Variants in LONP2 observed in about 807,000 individuals in gnomAD.
LONP2 encodes the protein lon peptidase 2, peroxisomal.
In LONP2, 60 loss-of-function variants were observed where a neutral mutation model predicts 85.6. The ratio of observed to expected loss-of-function variants is 0.70; its 90% CI spans 0.57 to 0.87. The LOEUF is 0.87. Ranked by LOEUF, LONP2 falls within the 40% of genes least tolerant of loss-of-function variation. The pLI is 0.00. For synonymous variants in LONP2, 395 were observed against 389.7 expected (o/e 1.01, Z -0.16); for missense variants, 860 against 1,063.5 (o/e 0.81, Z 2.66).
At chr16:48,273,337 A>T (rs1010789575) in intron 7 of LONP2, among the ~76,000 whole-genome samples, 3 of 152,174 alleles carry the variant, frequency 2.0e-5, no homozygotes, top group African/African-American at 7.2e-5. Context: ...ACAAGCAAAG[A>T]TATGTTTTTT....
At chr16:48,253,426 C>T (rs1327056456) in intron 2 of LONP2, among the ~76,000 whole-genome samples, 2 of 151,046 alleles carry the variant, frequency 1.3e-5, no homozygotes, top group East Asian at 1.9e-4. Flanking sequence ...GCCAAGATTG[C>T]ATCACTGCAT....
At chr16:48,347,064 G>C (rs1959988651) in intron 12 of LONP2, among the ~76,000 whole-genome samples, 1 of 152,176 alleles carries the variant, frequency 6.6e-6, no homozygotes, top group Admixed American at 6.5e-5. Context: ...AGAGGCAGGA[G>C]AATCACTTGA....
chr16:48,252,013 T>G (rs1971663142), intron 1 of LONP2, 118 bp from the exon 2 acceptor site: 2 of 722,186 alleles, frequency 2.8e-6, no homozygotes, highest in Non-Finnish European at 2.1e-6. Context: ...AAAAATTTAT[T>G]TACACTTCAG....
chr16:48,309,220 T>C (rs913946749), intron 11 of LONP2, among the ~76,000 whole-genome samples: 5 of 152,300 alleles, frequency 3.3e-5, no homozygotes, highest in South Asian at 4.1e-4. Flanking sequence ...GTACCACCTC[T>C]ATGGAAAACA....
intron 7 of LONP2, 149 bp downstream of exon 7, chr16:48,270,423 A>G (rs1972079931): frequency 2.3e-6 from 2 of 876,196 alleles, no homozygotes; most frequent in Non-Finnish European, 1.7e-6. Context: ...AAGAAGTATC[A>G]GCTAGCCTAG....
At chr16:48,262,692 C>T (rs1194530364) in intron 5 of LONP2, 86 bp from the exon 6 acceptor site, 3 of 797,576 alleles carry the variant, frequency 3.8e-6, no homozygotes, top group East Asian at 2.6e-5. Context: ...ATATATCTAA[C>T]CAAGAAAGAG....
chr16:48,315,691 A>T (rs1973125691), intron 11 of LONP2, among the ~76,000 whole-genome samples: 1 of 152,028 alleles, frequency 6.6e-6, no homozygotes, highest in Non-Finnish European at 1.5e-5. Context: ...GACTTTCTTG[A>T]ATTTGTATAC....
chr16:48,302,261 AT>A (rs1384136871), intron 10 of LONP2, among the ~76,000 whole-genome samples: 1 of 152,232 alleles, frequency 6.6e-6, no homozygotes, highest in East Asian at 1.9e-4. Flanking sequence ...GTTGCATAAT[AT>A]AGGCTTTATA....
At position 48,244,573 on chromosome 16, in the gene LONP2, A is replaced by G; in HGVS notation, c.185A>G (p.Asn62Ser). The G allele has an allele frequency of 6.6e-7, 1 of 1,518,526 alleles. No homozygotes were observed. The highest frequency in any genetic ancestry group is 8.8e-7 in the Non-Finnish European group (1 of 1,136,150). 94.1% of individuals were successfully genotyped at this position (1,518,526 alleles called of 1,614,324 possible). Reference protein sequence around the residue: ...LQSTILGVIPNTPDPASDAQD... With the variant: ...LQSTILGVIPSTPDPASDAQD... ...AGCACCATCCTGGGCGTCATCCCCAACACGCCTGACCCCGCCAGCGACGCG... is the reference window on the plus strand; with the variant it reads ...AGCACCATCCTGGGCGTCATCCCCAGCACGCCTGACCCCGCCAGCGACGCG... The change falls in exon 1 of 15, where the codon AAC becomes AGC. Residue 62 changes from asparagine to serine, a missense_variant. By Grantham distance (46) the Asn-to-Ser change is conservative (BLOSUM62 1). Transcript: ENST00000285737.
chr16:48,262,630 T>A, intron 5 of LONP2, 148 bp from the exon 6 acceptor site: 1 of 537,190 alleles, frequency 1.9e-6, no homozygotes, highest in Non-Finnish European at 3.3e-6. Context: ...AAAATAAACG[T>A]TTTATTATCT....
At chr16:48,245,071 G>C (rs1971282349) in intron 1 of LONP2, among the ~76,000 whole-genome samples, 1 of 151,880 alleles carries the variant, frequency 6.6e-6, no homozygotes, top group South Asian at 2.1e-4. Flanking sequence ...ATTTTTGTCC[G>C]CTGAGGCATT....
intron 6 of LONP2, among the ~76,000 whole-genome samples, chr16:48,267,772 T>C (rs1972021873): frequency 2.6e-5 from 4 of 151,744 alleles, no homozygotes; most frequent in Admixed American, 2.6e-4. Flanking sequence ...CCTGCCACCA[T>C]GCCCAGCTAA....
At chr16:48,360,906 A>G (rs528945809), downstream of LONP2, 1 of 152,352 alleles carries the variant, frequency 6.6e-6, no homozygotes, top group Admixed American at 6.5e-5. Context: ...TGGCTTCACA[A>G]AATAGCTGAT....
At chr16:48,303,346 G>A (rs777991725) in intron 11 of LONP2, 41 bp downstream of exon 11, 1 of 1,599,718 alleles carries the variant, frequency 6.3e-7, no homozygotes, top group South Asian at 1.1e-5. Context: ...CTGGTGGCTA[G>A]GAGTGAGTGA....
intron 11 of LONP2, among the ~76,000 whole-genome samples, chr16:48,320,779 G>C (rs1973246700): frequency 6.6e-6 from 1 of 152,118 alleles, no homozygotes; most frequent in Admixed American, 6.5e-5. Flanking sequence ...AGAGAGACTT[G>C]TTTGCCTGTA....
At chr16:48,361,174 A>C (rs1192676401), downstream of LONP2, 1 of 190,110 alleles carries the variant, frequency 5.3e-6, no homozygotes, top group Admixed American at 5.4e-5. Context: ...GTGGCCCATG[A>C]CCACTCAAGA....
chr16:48,244,909 C>T (rs1567301890), intron 1 of LONP2, among the ~76,000 whole-genome samples: 1 of 152,214 alleles, frequency 6.6e-6, no homozygotes, highest in Non-Finnish European at 1.5e-5. Flanking sequence ...CGCAATTCCT[C>T]GCCCTCGGTC....
chr16:48,261,680 A>T, intron 5 of LONP2, 93 bp downstream of exon 5: 1 of 925,698 alleles, frequency 1.1e-6, no homozygotes, highest in Non-Finnish European at 1.6e-6. Context: ...AATACTGAGG[A>T]TACATAATAC....
At chr16:48,266,909 A>C (rs1179082706) in intron 6 of LONP2, among the ~76,000 whole-genome samples, 2 of 152,066 alleles carry the variant, frequency 1.3e-5, no homozygotes, top group African/African-American at 4.8e-5. Flanking sequence ...TGAGTAACAC[A>C]GGAAGACCCC....
Sources: allele counts gnomAD v4.1 joint callset (sites outside exome capture counted in the v4.1 genomes callset), GRCh38; gene constraint gnomAD v4.1.1; transcripts MANE v1.5; gene names NCBI Gene and HGNC (gene_info 2026-07-23, HGNC 2026-07-21).